Variants in AKAP8 observed in about 807,000 individuals in gnomAD.
The protein encoded by AKAP8 is A-kinase anchoring protein 8, also known as A-kinase anchor protein 8.
Under a neutral mutation model 67.5 loss-of-function variants are expected in AKAP8, and 24 were observed. The ratio of observed to expected loss-of-function variants is 0.36; its 90% CI spans 0.26 to 0.50. AKAP8 has a LOEUF of 0.50. Among genes scored for constraint, AKAP8 ranks in the 20% least tolerant of loss-of-function variants. AKAP8 has a pLI of 0.97. For missense variants in AKAP8, 971 were observed against 955.9 expected (o/e 1.02, Z -0.21); for synonymous variants, 400 against 371.1 (o/e 1.08, Z -0.90).
intron 1 of AKAP8, among the ~76,000 whole-genome samples, chr19:15,377,637 T>A (rs1300606886): frequency 1.3e-5 from 2 of 152,034 alleles, no homozygotes; most frequent in Non-Finnish European, 2.9e-5. Context: ...CCCGCCTAAT[T>A]TTTTGTGTTT....
intron 9 of AKAP8, among the ~76,000 whole-genome samples, chr19:15,366,154 G>GAAAAAAAAAAAAAAAAAAAAAAA (rs374068497): frequency 1.1e-5 from 1 of 95,028 alleles, no homozygotes; most frequent in East Asian, 3.1e-4. Context: ...AAAGCAAAAA[G>GAAAAAAAAAAAAAAAAAAAAAAA]AAAAAAAAAA....
rs762759792 is a variant in AKAP8, at chr19:15,360,886, G to T, written c.1489C>A (p.Arg497=). ...LIPAQPQLLQ[R]HLHSVDHNHN... is the part of the protein sequence containing the mutation. ...TTGTGGTCCACGGAGTGCAGGTGCC[G>T]CTGGAGGAGCTGCGGCTGTGCAGGA... The change falls in exon 12 of 14, where the codon CGG becomes AGG. Residue 497 remains arginine (R), a synonymous_variant. Coordinates refer to ENST00000269701, the MANE Select transcript of AKAP8 (RefSeq NM_005858.4). 2 of 1,613,460 alleles carry T rather than the reference G, an allele frequency of 1.2e-6. No individual in the cohort carries two copies. Among genetic ancestry groups the T allele is most frequent in the Admixed American group, 3.3e-5 (2 of 59,924 alleles).
chr19:15,354,861 A>G lies in AKAP8; in HGVS notation c.*54T>C. The G allele has an allele frequency of 6.3e-7, 1 of 1,589,344 alleles. No individual in the cohort carries two copies. The highest frequency in any genetic ancestry group is 2.2e-5 in the East Asian group (1 of 44,646). On this transcript the variant is annotated 3_prime_UTR_variant, in exon 14 of 14. Transcript: ENST00000269701. Reference sequence around the variant, plus strand: ...TTGTACTGCTTACAAACCAAGGGAGAAAGACCAACGCATCCATCATCCCAA... The same window carrying G: ...TTGTACTGCTTACAAACCAAGGGAGGAAGACCAACGCATCCATCATCCCAA...
intron 13 of AKAP8, among the ~76,000 whole-genome samples, chr19:15,357,685 T>G (rs1422780992): frequency 1.3e-5 from 2 of 149,844 alleles, no homozygotes; most frequent in African/African-American, 4.9e-5. Context: ...AGGTAAAATA[T>G]ACATCAGTCA....
chr19:15,379,001 C>G lies in AKAP8; in HGVS notation c.19+712G>C, dbSNP rs113977087. On this transcript the variant is annotated intron_variant, in intron 1 of 13. Transcript: ENST00000269701. Reference sequence around the variant, plus strand: ...GGCACATCAGGTTTCCAGCTTTATACGAACACTCAGCATCTGCCCCTCACC... The same window carrying G: ...GGCACATCAGGTTTCCAGCTTTATAGGAACACTCAGCATCTGCCCCTCACC... 843 of 153,182 alleles carry G rather than the reference C, an allele frequency of 5.5e-3. 8 individuals are homozygous for G. The highest frequency in any genetic ancestry group is 0.02 in the Middle Eastern group (6 of 300). The allele number at this position is 153,182 out of a possible 1,614,324, so 9.5% of individuals were successfully genotyped here. A position where few individuals can be genotyped will look rare whatever the true frequency, so the allele number is the denominator to read the frequency against.
chr19:15,368,036 C>G (rs933183050), intron 9 of AKAP8, among the ~76,000 whole-genome samples, 199 bp downstream of exon 9: 3 of 152,260 alleles, frequency 2.0e-5, no homozygotes, highest in African/African-American at 7.2e-5. Flanking sequence ...TCCTAGAAGA[C>G]AGGTAGCTCG....
chr19:15,363,842 TG>T (rs1967022095), intron 9 of AKAP8, among the ~76,000 whole-genome samples: 1 of 151,838 alleles, frequency 6.6e-6, no homozygotes, highest in African/African-American at 2.4e-5. Flanking sequence ...GGGATCCTGT[TG>T]ATCTGTGACC....
At chr19:15,376,274 G>C (rs373084851) in intron 2 of AKAP8, among the ~76,000 whole-genome samples, 4 of 152,122 alleles carry the variant, frequency 2.6e-5, no homozygotes, top group African/African-American at 7.2e-5. Flanking sequence ...TGTAATCCCA[G>C]CACTTTGATT....
Position 15,369,096 on chromosome 19 carries a change from G to A in AKAP8, c.1073-774C>T, listed in dbSNP as rs1044784721. On this transcript the variant is annotated intron_variant, in intron 8 of 13. Transcript: ENST00000269701. This position sits in a 1 kb window ranked among gnomAD's most constrained non-coding sequence, Gnocchi z 4.6. The stretch of plus-strand genomic sequence containing the variant: ...GATGCCAGTCCCGAGACTGTCCCAC[G>A]AAGATGGCGACCGGCGTGCGCTGCT... 6 of 985,504 alleles carry A rather than the reference G, an allele frequency of 6.1e-6. No homozygotes were observed. Among genetic ancestry groups the A allele is most frequent in the Non-Finnish European group, 7.2e-6 (6 of 830,004 alleles). 61.0% of individuals were successfully genotyped at this position (985,504 alleles called of 1,614,324 possible). A position where few individuals can be genotyped will look rare whatever the true frequency, so the allele number is the denominator to read the frequency against.
chr19:15,377,937 TTC>T (rs948678413), intron 1 of AKAP8, among the ~76,000 whole-genome samples: 3 of 152,180 alleles, frequency 2.0e-5, no homozygotes, highest in Admixed American at 2.0e-4. Context: ...TTCTCTTTAT[TTC>T]TGTGTCCCTG....
chr19:15,378,334 A>G (rs1599576420), intron 1 of AKAP8, among the ~76,000 whole-genome samples: 1 of 152,164 alleles, frequency 6.6e-6, no homozygotes, highest in East Asian at 1.9e-4. Flanking sequence ...CTCTAGTGTA[A>G]GTGGCACGCA....
intron 13 of AKAP8, among the ~76,000 whole-genome samples, chr19:15,357,582 C>CT (rs1966901211): frequency 6.6e-6 from 1 of 151,310 alleles, no homozygotes; most frequent in African/African-American, 2.4e-5. Context: ...TGGCTGGGTA[C>CT]CAAGAGAACA....
intron 2 of AKAP8, 149 bp downstream of exon 2, chr19:15,376,827 G>A: frequency 2.3e-6 from 2 of 872,722 alleles, no homozygotes; most frequent in Non-Finnish European, 3.5e-6. Flanking sequence ...AGCCCATAAA[G>A]CCACAAAGAT....
At chr19:15,373,598 G>T (rs1967200427) in intron 4 of AKAP8, 188 bp downstream of exon 4, 4 of 933,970 alleles carry the variant, frequency 4.3e-6, no homozygotes, top group Non-Finnish European at 4.7e-6. Context: ...CCACGCCCAA[G>T]CCCCGCCATG....
intron 9 of AKAP8, among the ~76,000 whole-genome samples, 190 bp downstream of exon 9, chr19:15,368,045 C>T (rs1031888194): frequency 3.9e-5 from 6 of 152,246 alleles, no homozygotes. Context: ...ACAGGTAGCT[C>T]GTGTGCTGGG....
At chr19:15,361,481 G>C (rs1966964971) in intron 11 of AKAP8, 1 of 379,294 alleles carries the variant, frequency 2.6e-6, no homozygotes, top group African/African-American at 2.1e-5. Flanking sequence ...CTCCCAAGTA[G>C]CTGGGACTAC....
chr19:15,372,981 G>C lies in AKAP8; in HGVS notation c.731C>G (p.Pro244Arg). 6.4e-7 allele frequency: 1 copy of C among 1,566,126 alleles called. No homozygotes were observed. The highest frequency in any genetic ancestry group is 8.7e-7 in the Non-Finnish European group (1 of 1,155,622). Residue 244 changes from proline to arginine, a missense_variant, in exon 5 of 14, where the codon CCT (proline) becomes CGT (arginine). Coordinates refer to ENST00000269701, the MANE Select transcript of AKAP8 (RefSeq NM_005858.4). ...CATGGACTGGGAGAAGAGGGACGGA[G>C]GTGGCCGGCTGGGGGAGGGCCCTCC... Reference protein sequence around the residue: ...GLGGPSPSRPPPSLFSQSMAP... With the variant: ...GLGGPSPSRPRPSLFSQSMAP...
At chr19:15,375,216 G>A (rs935810226) in intron 2 of AKAP8, among the ~76,000 whole-genome samples, 1 of 152,186 alleles carries the variant, frequency 6.6e-6, no homozygotes, top group African/African-American at 2.4e-5. Context: ...GCAGAAAGGA[G>A]AAAGCCTCGC....
Position 15,370,290 on chromosome 19 carries a change from T to G in AKAP8, c.1039-111A>C, listed in dbSNP as rs1036931669. On this transcript the variant is annotated intron_variant, in intron 7 of 13. Coordinates refer to ENST00000269701, the MANE Select transcript of AKAP8 (RefSeq NM_005858.4). ...TGGGCAGTCTCACCCAAGACCTAGG[T>G]TGCTATGCCACCAAGAATGAGCCAC... is the stretch of plus-strand genomic sequence containing the variant. The G allele has an allele frequency of 3.2e-6, 4 of 1,245,288 alleles. No individual in the cohort carries two copies. The Admixed American group carries it at 5.5e-5, about 17-fold the overall frequency. The allele number at this position is 1,245,288 out of a possible 1,614,324, so 77.1% of individuals were successfully genotyped here.
Sources: gnomAD v4.1 joint callset for allele counts (sites outside exome capture counted in the v4.1 genomes callset) on GRCh38, gnomAD v4.1.1 for gene constraint, Gnocchi (gnomAD v3.1) non-coding constraint, MANE v1.5 for transcripts, NCBI Gene and HGNC (gene_info 2026-07-23, HGNC 2026-07-21) for gene names.